The following RPGR variants were observed in gnomAD, a reference collection of about 807,000 sequenced individuals.
RPGR encodes the protein X-linked retinitis pigmentosa GTPase regulator.
A neutral mutation model predicts 56.3 loss-of-function variants in RPGR; 10 were observed. The observed-to-expected ratio is 0.18, with a 90% CI of 0.11 to 0.30. The LOEUF (loss-of-function observed/expected upper bound fraction) is 0.30, where lower values mean the gene tolerates loss of function less well. Among genes scored for constraint, RPGR ranks in the 10% least tolerant of loss-of-function variants. RPGR has a pLI of 1.00. For synonymous variants in RPGR, 197 were observed against 212.9 expected (o/e 0.93, Z 0.65); for missense variants, 538 against 590.9 (o/e 0.91, Z 0.93).
chrX:38,271,592 G>T (rs1048362641), intron 18 of RPGR, among the ~76,000 whole-genome samples: 2 of 111,750 alleles, frequency 1.8e-5, no homozygotes, highest in Non-Finnish European at 3.8e-5. Context: ...CTTAATATAA[G>T]TCTACCTACA....
intron 15 of RPGR, among the ~76,000 whole-genome samples, chrX:38,279,711 T>C (rs1306297269): frequency 5.8e-5 from 5 of 85,590 alleles, no homozygotes; most frequent in Admixed American, 5.7e-4. Context: ...ATAGGCACTT[T>C]TGTCCGTGGG....
Position 38,327,481 on chromosome X carries a change from C to T in RPGR, c.-114G>A. On this transcript the variant is annotated 5_prime_UTR_variant, in exon 1 of 19. Coordinates refer to ENST00000642395, the MANE Select transcript of RPGR (RefSeq NM_000328.3). ...GCGGGCCGCGAAAGCCCCCAAGTTC[C>T]GCATGGCGAAACTCCGGAGATCAAC... The T allele has an allele frequency of 1.3e-6, 1 of 756,558 alleles. No individual in the cohort carries two copies. Among genetic ancestry groups the T allele is most frequent in the Non-Finnish European group, 1.8e-6 (1 of 545,647 alleles). 62.3% of individuals were successfully genotyped at this position (756,558 alleles called of 1,213,427 possible). A position where few individuals can be genotyped will look rare whatever the true frequency, so the allele number is the denominator to read the frequency against.
intron 17 of RPGR, chrX:38,273,738 A>G: frequency 4.0e-6 from 1 of 249,249 alleles, no homozygotes; most frequent in Non-Finnish European, 7.2e-6. Flanking sequence ...TCAATGTTAG[A>G]GAAGACTTCT....
chrX:38,279,972 T>C (rs903192086), intron 15 of RPGR, among the ~76,000 whole-genome samples: 2 of 110,770 alleles, frequency 1.8e-5, no homozygotes, highest in Non-Finnish European at 3.8e-5. Flanking sequence ...CTGAAAATCA[T>C]GGAAACAGCA....
At chrX:38,299,168 C>A in intron 9 of RPGR, 27 bp from the exon 10 acceptor site, 1 of 1,196,213 alleles carries the variant, frequency 8.4e-7, no homozygotes, top group East Asian at 3.0e-5. Flanking sequence ...CAGAAAAACT[C>A]ATCAACATTG....
At chrX:38,307,465 A>G (rs1219103253) in intron 7 of RPGR, among the ~76,000 whole-genome samples, 4 of 112,748 alleles carry the variant, frequency 3.5e-5, no homozygotes, top group Non-Finnish European at 5.6e-5. Context: ...GATTTTTAAG[A>G]TAAGAGTTAT....
In RPGR at chrX:38,299,049, G is replaced by A. The variant is rs1194064117; in HGVS notation, c.1152C>T (p.Cys384=). 1 of 1,209,720 alleles carries A rather than the reference G, an allele frequency of 8.3e-7. No individual in the cohort carries two copies. Among genetic ancestry groups the A allele is most frequent in the African/African-American group, 1.8e-5 (1 of 57,139 alleles). ...ACGGCAGAAAAGTCGCCACAGATAA[G>A]CAAGTATCATTTATTTCATCGAATT... The change falls in exon 10 of 19, where the codon TGC becomes TGT. Residue 384 remains cysteine (C), a synonymous_variant. Transcript: ENST00000642395.
intron 17 of RPGR, chrX:38,273,540 T>C: frequency 1.1e-6 from 1 of 890,755 alleles, no homozygotes. Flanking sequence ...GACCTGATGC[T>C]CTCAGTGAAA....
chrX:38,320,927 G>T, intron 4 of RPGR, 100 bp downstream of exon 4: 1 of 662,704 alleles, frequency 1.5e-6, no homozygotes, highest in Non-Finnish European at 2.4e-6. Flanking sequence ...TTTTACTGTT[G>T]CCAAAGTATA....
intron 15 of RPGR, among the ~76,000 whole-genome samples, chrX:38,278,248 T>C (rs1369007622): frequency 8.9e-6 from 1 of 112,160 alleles, no homozygotes; most frequent in African/African-American, 3.2e-5. Context: ...GCCTGTTTTT[T>C]GCTTTTGTTT....
intron 15 of RPGR, chrX:38,285,318 TG>T (rs1215278634): frequency 1.9e-6 from 2 of 1,062,289 alleles, no homozygotes; most frequent in Non-Finnish European, 1.2e-6. Flanking sequence ...TTTTATAATT[TG>T]GGGGGGAAAT....
chrX:38,327,083 GC>G, intron 1 of RPGR: 2 of 328,892 alleles, frequency 6.1e-6, no homozygotes. Context: ...AAGTGTCCCT[GC>G]CTTCAAGAAG....
chrX:38,287,766 A>G, intron 14 of RPGR, 95 bp downstream of exon 14: 1 of 822,291 alleles, frequency 1.2e-6, no homozygotes, highest in Non-Finnish European at 1.8e-6. Context: ...CATCAAGTTG[A>G]TCAACACCAT....
intron 7 of RPGR, among the ~76,000 whole-genome samples, chrX:38,308,961 T>C (rs1215765396): frequency 8.9e-6 from 1 of 112,030 alleles, no homozygotes; most frequent in Non-Finnish European, 1.9e-5. Flanking sequence ...AATTGGATAT[T>C]ATTCAAAATT....
intron 1 of RPGR, among the ~76,000 whole-genome samples, chrX:38,323,788 G>A (rs1018339607): frequency 8.9e-6 from 1 of 111,904 alleles, no homozygotes. Flanking sequence ...CTATCACAAG[G>A]AAGGCAGTCA....
intron 15 of RPGR, among the ~76,000 whole-genome samples, chrX:38,283,299 T>C (rs1433721482): frequency 2.7e-5 from 3 of 112,111 alleles, no homozygotes; most frequent in Admixed American, 1.9e-4. Context: ...TTAGTATAAC[T>C]ACTAGTTAGT....
intron 17 of RPGR, among the ~76,000 whole-genome samples, chrX:38,274,612 T>C (rs66468027): frequency 0.17 from 18,363 of 110,802 alleles, 1,447 homozygotes; most frequent in East Asian, 0.57. Flanking sequence ...GTCAGGAGTT[T>C]GAGACTCGCC....
chrX:38,298,890 T>A (rs1440111814), intron 10 of RPGR, 66 bp downstream of exon 10: 1 of 1,110,843 alleles, frequency 9.0e-7, no homozygotes, highest in Non-Finnish European at 1.2e-6. Context: ...GAAAACAGAT[T>A]TTTTTCTTCT....
rs887655066 is a variant in RPGR, at chrX:38,306,284, G to A, written c.779-1494C>T. ...AGGTGAGTTACTTAGATTCTCTGAT[G>A]TTATAATCCCTATCTAACAGAGGTG... is the stretch of plus-strand genomic sequence containing the variant. On this transcript the variant is annotated intron_variant, in intron 7 of 18. Transcript: ENST00000642395. Among the ~76,000 whole-genome samples the A allele has an allele frequency of 3.6e-5, 4 of 112,191 alleles. No homozygotes were observed. In the Admixed American group the frequency reaches 3.8e-4, roughly 11 times the overall value.
Sources: allele counts gnomAD v4.1 joint callset (sites outside exome capture counted in the v4.1 genomes callset), GRCh38; gene constraint gnomAD v4.1.1; transcripts MANE v1.5; gene names NCBI Gene and HGNC (gene_info 2026-07-23, HGNC 2026-07-21).